Variants in EXD3 observed in about 807,000 individuals in gnomAD.
EXD3 encodes the protein exonuclease 3'-5' domain containing 3, also known as exonuclease mut-7 homolog.
In EXD3, 92 loss-of-function variants were observed where a neutral mutation model predicts 98.0. That is an observed-to-expected ratio of 0.94 (90% CI 0.79 to 1.12). The LOEUF (loss-of-function observed/expected upper bound fraction) is 1.12. Among genes scored for constraint, EXD3 ranks in the 50% most tolerant of loss-of-function variants. The probability of loss-of-function intolerance (pLI) is 0.00; values close to 1 mark genes in which losing one functional copy is unlikely to be tolerated. For synonymous variants in EXD3, 569 were observed against 526.0 expected (o/e 1.08, Z -1.12); for missense variants, 1,222 against 1,191.6 (o/e 1.03, Z -0.38).
rs1211128192 is a variant in EXD3, at chr9:137,395,386, GGCA to G, written c.-32_-30del. On this transcript the variant is annotated 5_prime_UTR_variant, in exon 2 of 22. Coordinates refer to ENST00000340951, the MANE Select transcript of EXD3 (RefSeq NM_017820.5). This position sits in a 1 kb window ranked among gnomAD's most constrained non-coding sequence, Gnocchi z 6.5. The stretch of plus-strand genomic sequence containing the variant: ...CAGGGCCGGGCCGAGGACGCTGGCA[GGCA>G]GCTAGGAACGAGGATCTGCAGAAAC... 6.2e-7 allele frequency: 1 copy of G among 1,613,122 alleles called. No individual in the cohort carries two copies. The highest frequency in any genetic ancestry group is 1.3e-5 in the African/African-American group (1 of 74,930).
intron 1 of EXD3, among the ~76,000 whole-genome samples, chr9:137,416,618 G>A (rs1327481780): frequency 6.6e-6 from 1 of 152,102 alleles, no homozygotes; most frequent in Non-Finnish European, 1.5e-5. Flanking sequence ...AACACGTGCT[G>A]GGCAACCCGG....
At chr9:137,317,227 C>T (rs1831726542) in intron 19 of EXD3, among the ~76,000 whole-genome samples, 1 of 152,144 alleles carries the variant, frequency 6.6e-6, no homozygotes, top group African/African-American at 2.4e-5. Flanking sequence ...CGGGGCCTCT[C>T]CTGTTGGATG....
intron 8 of EXD3, among the ~76,000 whole-genome samples, chr9:137,355,882 C>T (rs1212972592): frequency 1.3e-5 from 2 of 152,184 alleles, no homozygotes; most frequent in Admixed American, 6.6e-5. Context: ...GGGGACCTGG[C>T]TTCCCTTGGT....
chr9:137,336,684 G>A (rs1833370808), intron 17 of EXD3, among the ~76,000 whole-genome samples: 1 of 150,982 alleles, frequency 6.6e-6, no homozygotes, highest in Non-Finnish European at 1.5e-5. Context: ...AAATTCTAGG[G>A]CAATCCCTAC....
intron 1 of EXD3, among the ~76,000 whole-genome samples, chr9:137,404,598 T>C (rs1837631514): frequency 2.0e-5 from 3 of 152,238 alleles, no homozygotes; most frequent in Admixed American, 2.0e-4. Flanking sequence ...CGGTGGCTCA[T>C]GCCTATAATC....
intron 20 of EXD3, 107 bp from the exon 21 acceptor site, chr9:137,307,753 G>T: frequency 7.9e-7 from 1 of 1,259,662 alleles, no homozygotes. Context: ...CACCTCATGG[G>T]GTGCAGCCTC....
chr9:137,392,216 C>T (rs1258641367), intron 2 of EXD3: 2 of 152,388 alleles, frequency 1.3e-5, no homozygotes, highest in African/African-American at 2.4e-5. Flanking sequence ...GTTTCTTGGC[C>T]TCGGGGGAGG....
Position 137,329,955 on chromosome 9 carries a change from C to G in EXD3, c.1999-5812G>C, listed in dbSNP as rs537555415. On this transcript the variant is annotated intron_variant, in intron 17 of 21. Transcript: ENST00000340951. ...CTACACAGGACTATGCAGGACCACA[C>G]AGGAGCTATACAGGAGCTACACGGG... Among the ~76,000 whole-genome samples, 39 of 17,332 alleles carry G rather than the reference C, an allele frequency of 2.3e-3. 3 individuals are homozygous for G. Among genetic ancestry groups the G allele is most frequent in the South Asian group, 3.9e-3 (2 of 514 alleles). 11.4% of individuals were successfully genotyped at this position (17,332 alleles called of 152,430 possible).
In EXD3 at chr9:137,347,133, G is replaced by A. The variant is rs1022547013; in HGVS notation, c.1998+938C>T. On this transcript the variant is annotated intron_variant, in intron 17 of 21. Transcript: ENST00000340951. This position sits in a 1 kb window ranked among gnomAD's most constrained non-coding sequence, Gnocchi z 4.2. ...TCCATGTCATTTTTCTAATGCTGCT[G>A]TCACAATTTACTAAAAGCTTAGCAG... 3.3e-5 allele frequency among the ~76,000 whole-genome samples: 5 copies of A among 152,146 alleles called. No individual in the cohort carries two copies. Among genetic ancestry groups the A allele is most frequent in the African/African-American group, 1.2e-4 (5 of 41,436 alleles).
chr9:137,352,083 C>T lies in EXD3; in HGVS notation c.1156G>A (p.Glu386Lys), dbSNP rs753004641. 1.4e-5 allele frequency: 23 copies of T among 1,612,002 alleles called. 1 individual carries two copies. The highest frequency in any genetic ancestry group is 4.4e-5 in the South Asian group (4 of 90,986). ...GGAACCACCTGCAGGAGTGCACCCT[C>T]GTGTCTGGTCAGGTCTTCCCACGAG... ...LASWEDLTRH[E>K]GALLQCHQVV... The change falls in exon 12 of 22, where the codon GAG becomes AAG. Residue 386 changes from glutamate to lysine, a missense_variant. Physicochemically the swap from Glu to Lys is moderately conservative, Grantham distance 56. Coordinates refer to ENST00000340951, the MANE Select transcript of EXD3 (RefSeq NM_017820.5).
intron 5 of EXD3, among the ~76,000 whole-genome samples, chr9:137,369,299 C>T (rs74642955): frequency 0.024 from 3,706 of 152,196 alleles, 100 homozygotes; most frequent in Middle Eastern, 0.065. Context: ...CAGTGACACC[C>T]GCAGCTTCAC....
chr9:137,355,017 T>G (rs879621799), intron 8 of EXD3, among the ~76,000 whole-genome samples: 3 of 152,146 alleles, frequency 2.0e-5, no homozygotes, highest in Non-Finnish European at 4.4e-5. Context: ...TCGTCTGGCC[T>G]CCCTCTGGGG....
At chr9:137,350,973 G>GC in intron 14 of EXD3, 65 bp downstream of exon 14, 1 of 1,416,682 alleles carries the variant, frequency 7.1e-7, no homozygotes, top group Non-Finnish European at 9.7e-7. Context: ...GTGTGGAGGG[G>GC]CCCCAAGCAG....
At chr9:137,398,784 A>C (rs1368493336) in intron 1 of EXD3, among the ~76,000 whole-genome samples, 1 of 116,312 alleles carries the variant, frequency 8.6e-6, no homozygotes, top group African/African-American at 3.5e-5. Context: ...CGTGACACAC[A>C]GGCACCCGCG....
chr9:137,340,959 C>T lies in EXD3; in HGVS notation c.1998+7112G>A, dbSNP rs183622890. Among the ~76,000 whole-genome samples, 152 of 152,296 alleles carry T rather than the reference C, an allele frequency of 1.0e-3. 2 individuals are homozygous for T. Among genetic ancestry groups the T allele is most frequent in the Non-Finnish European group, 7.5e-4 (51 of 68,028 alleles). On this transcript the variant is annotated intron_variant, in intron 17 of 21. Coordinates refer to ENST00000340951, the MANE Select transcript of EXD3 (RefSeq NM_017820.5). ...AGGAGAAGAACAAGGTAGATGCTCA[C>T]CCTACCAGATATGAAGATGGGTGAT...
At chr9:137,357,030 G>A (rs550560956) in intron 7 of EXD3, among the ~76,000 whole-genome samples, 2 of 152,228 alleles carry the variant, frequency 1.3e-5, no homozygotes, top group South Asian at 4.1e-4. Context: ...TGAGAGTTCA[G>A]TGGAGCCAAG....
At chr9:137,397,895 A>T (rs943888472) in intron 1 of EXD3, among the ~76,000 whole-genome samples, 3 of 152,082 alleles carry the variant, frequency 2.0e-5, no homozygotes, top group Non-Finnish European at 4.4e-5. Context: ...GTGAGCCGAG[A>T]TCGCACCACT....
intron 17 of EXD3, among the ~76,000 whole-genome samples, chr9:137,333,723 A>G (rs934224777): frequency 6.6e-6 from 1 of 152,228 alleles, no homozygotes; most frequent in Non-Finnish European, 1.5e-5. Context: ...AGACATTTCC[A>G]GAGGCTCCCA....
At chr9:137,343,770 A>G (rs1446985658) in intron 17 of EXD3, among the ~76,000 whole-genome samples, 2 of 148,170 alleles carry the variant, frequency 1.3e-5, no homozygotes, top group African/African-American at 5.0e-5. Flanking sequence ...TTGTATTTTT[A>G]GTAGAGATGG....
Sources: allele counts gnomAD v4.1 joint callset (sites outside exome capture counted in the v4.1 genomes callset), GRCh38; gene constraint gnomAD v4.1.1; non-coding constraint Gnocchi (gnomAD v3.1); transcripts MANE v1.5; gene names NCBI Gene and HGNC (gene_info 2026-07-23, HGNC 2026-07-21).